The following PRKN variants were observed in gnomAD, a reference collection of about 807,000 sequenced individuals.
The protein encoded by PRKN is E3 ubiquitin-protein ligase parkin.
PRKN carries 56 observed loss-of-function variants against 59.5 expected under a neutral mutation model. That is an observed-to-expected ratio of 0.94 (90% confidence interval 0.76 to 1.18). PRKN has a LOEUF of 1.18. Among genes scored for constraint, PRKN ranks in the 50% most tolerant of loss-of-function variants. The probability of loss-of-function intolerance (pLI) is 0.00; values close to 1 mark genes in which losing one functional copy is unlikely to be tolerated. For synonymous variants in PRKN, 250 were observed against 222.1 expected (o/e 1.13, Z -1.12); for missense variants, 657 against 596.4 (o/e 1.10, Z -1.06).
rs543293469 is a variant in PRKN at position 162,395,575 on chromosome 6, C to T, written c.171+47735G>A. 1.5e-4 allele frequency among the ~76,000 whole-genome samples: 23 copies of T among 152,256 alleles called. No homozygotes were observed. The South Asian group carries it at 2.9e-3, about 19-fold the overall frequency. On this transcript the variant is annotated intron_variant, in intron 2 of 11. Transcript: ENST00000366898. The stretch of plus-strand genomic sequence containing the variant: ...CAGTCTCTCCACAATTCCAGACCTA[C>T]GCAAACCATGAAAGATAATGCATGA...
At chr6:162,347,786 TA>T (rs1334431953) in intron 2 of PRKN, among the ~76,000 whole-genome samples, 3 of 152,356 alleles carry the variant, frequency 2.0e-5, no homozygotes, top group South Asian at 4.1e-4. Context: ...AGCTCATTCA[TA>T]TTTTTTTGGT....
In PRKN at chr6:161,457,159, A is replaced by C. The variant is rs189005417; in HGVS notation, c.1084-70282T>G. 1.6e-4 allele frequency among the ~76,000 whole-genome samples: 24 copies of C among 152,356 alleles called. No homozygotes were observed. Among genetic ancestry groups the C allele is most frequent in the Non-Finnish European group, 2.6e-4 (18 of 68,022 alleles). ...CAGGAGTTCTCCACTCGGTACACCC[A>C]GTTTTACCAAAGTTAAACCCATGAG... On this transcript the variant is annotated intron_variant, in intron 9 of 11. Transcript: ENST00000366898. The surrounding 1 kb of genome is among the most constrained non-coding windows in gnomAD (Gnocchi z 5.0).
At chr6:161,792,112 C>T (rs1164584066) in intron 6 of PRKN, among the ~76,000 whole-genome samples, 2 of 152,212 alleles carry the variant, frequency 1.3e-5, no homozygotes, top group Non-Finnish European at 2.9e-5. Context: ...GAAGCCCTGG[C>T]TGATATTTTG....
intron 7 of PRKN, among the ~76,000 whole-genome samples, chr6:161,766,868 G>A (rs1789444270): frequency 6.6e-6 from 1 of 152,190 alleles, no homozygotes; most frequent in Non-Finnish European, 1.5e-5. Context: ...ATAAAAGGTG[G>A]AGAGGGAAAA....
At position 162,175,221 on chromosome 6, in the gene PRKN, T is replaced by C. The variant is rs76275806; in HGVS notation, c.534+25910A>G. 2.7e-3 allele frequency among the ~76,000 whole-genome samples: 413 copies of C among 152,332 alleles called. 2 individuals carry two copies. Among genetic ancestry groups the C allele is most frequent in the African/African-American group, 8.9e-3 (369 of 41,580 alleles). ...TCCAGGCAAGCTGTCCCAGAGGTCA[T>C]AGAGCAGGAAGACTTGGACCAAATT... On this transcript the variant is annotated intron_variant, in intron 4 of 11. Transcript: ENST00000366898.
chr6:161,823,214 G>A (rs956647566), intron 6 of PRKN, among the ~76,000 whole-genome samples: 1 of 151,902 alleles, frequency 6.6e-6, no homozygotes, highest in Admixed American at 6.6e-5. Flanking sequence ...TGGGATTGCA[G>A]GTGTGAGCCA....
Position 161,413,161 on chromosome 6 carries a change from G to A in PRKN, c.1084-26284C>T, listed in dbSNP as rs918144909. ...TCAAGTACGTGGAAGTCTGAGGGGC[G>A]GAGGAATGTGCATTTAGGGTCGTGG... On this transcript the variant is annotated intron_variant, in intron 9 of 11. Transcript: ENST00000366898. This position sits in a 1 kb window ranked among gnomAD's most constrained non-coding sequence, Gnocchi z 4.4. Among the ~76,000 whole-genome samples, 7 of 152,254 alleles carry A rather than the reference G, an allele frequency of 4.6e-5. No homozygotes were observed. The highest frequency in any genetic ancestry group is 1.5e-5 in the Non-Finnish European group (1 of 68,028).
intron 6 of PRKN, 116 bp from the exon 7 acceptor site, chr6:161,786,024 G>T (rs1190775090): frequency 6.9e-6 from 7 of 1,013,326 alleles, no homozygotes; most frequent in South Asian, 1.4e-5. Flanking sequence ...TCTGTGCAAA[G>T]ACCGGAGCTG....
In PRKN at chr6:161,743,386, T is replaced by TTTTATTTATTTATTTATTTA. The variant is rs372492770; in HGVS notation, c.871+42366_871+42385dup. ...AGGCGCCCGCCACCACATCCAGCTT[T>TTTTATTTATTTATTTATTTA]TTTATTTATTTATTTATTTATTTAT... On this transcript the variant is annotated intron_variant, in intron 7 of 11. Transcript: ENST00000366898. Among the ~76,000 whole-genome samples the TTTTATTTATTTATTTATTTA allele has an allele frequency of 7.8e-5, 11 of 140,292 alleles. No homozygotes were observed. In the South Asian group the frequency reaches 1.2e-3, roughly 15 times the overall value. The allele number at this position is 140,292 out of a possible 152,430, so 92.0% of individuals were successfully genotyped here.
At chr6:162,719,907 A>C (rs79144528) in intron 1 of PRKN, among the ~76,000 whole-genome samples, 2 of 6,000 alleles carry the variant, frequency 3.3e-4, no homozygotes, top group African/African-American at 1.0e-3. Context: ...AAAAAAAAAA[A>C]AAAAAAAAAA....
At chr6:161,743,551 G>T (rs545632608) in intron 7 of PRKN, among the ~76,000 whole-genome samples, 13 of 151,852 alleles carry the variant, frequency 8.6e-5, no homozygotes, top group Non-Finnish European at 1.8e-4. Flanking sequence ...GCCTGGACTT[G>T]GTTTCTATCT....
chr6:161,614,249 A>G (rs773648503), intron 7 of PRKN, among the ~76,000 whole-genome samples: 8 of 152,172 alleles, frequency 5.3e-5, no homozygotes, highest in Non-Finnish European at 1.2e-4. Context: ...TTCGTGTTTA[A>G]TGGCATAACT....
At chr6:161,568,421 G>A (rs534933112) in intron 8 of PRKN, among the ~76,000 whole-genome samples, 148 of 152,098 alleles carry the variant, frequency 9.7e-4, no homozygotes, top group African/African-American at 3.5e-3. Context: ...GTGAAACTCC[G>A]TCTCTACCAA....
intron 10 of PRKN, among the ~76,000 whole-genome samples, chr6:161,382,111 CAAA>C (rs59174358): frequency 8.6e-5 from 4 of 46,268 alleles, no homozygotes; most frequent in East Asian, 7.0e-4. Context: ...GACTCCATCT[CAAA>C]AAAAAAAAAA....
intron 5 of PRKN, among the ~76,000 whole-genome samples, chr6:162,000,661 C>A (rs1404967370): frequency 6.6e-6 from 1 of 151,912 alleles, no homozygotes; most frequent in African/African-American, 2.4e-5. Context: ...GTAATAAAAT[C>A]CAGCTTATCA....
intron 9 of PRKN, among the ~76,000 whole-genome samples, chr6:161,485,468 G>A (rs1791603985): frequency 6.6e-6 from 1 of 152,094 alleles, no homozygotes; most frequent in East Asian, 1.9e-4. Flanking sequence ...GGTAACAACT[G>A]GAGTTAGAAA....
intron 6 of PRKN, among the ~76,000 whole-genome samples, chr6:161,794,311 T>G (rs1186876657): frequency 6.6e-6 from 1 of 152,058 alleles, no homozygotes; most frequent in African/African-American, 2.4e-5. Context: ...TGAGTCAAGA[T>G]TTAGGAGTGG....
At chr6:162,191,142 C>G (rs575629210) in intron 4 of PRKN, among the ~76,000 whole-genome samples, 2 of 152,134 alleles carry the variant, frequency 1.3e-5, no homozygotes, top group Non-Finnish European at 2.9e-5. Flanking sequence ...TGGGCTAAAA[C>G]GGTGATGCAT....
intron 6 of PRKN, among the ~76,000 whole-genome samples, chr6:161,793,089 T>G (rs1046799523): frequency 1.3e-5 from 2 of 152,172 alleles, no homozygotes; most frequent in African/African-American, 4.8e-5. Context: ...TTATTTGAAT[T>G]AGCCAAGTGA....
Sources: allele counts gnomAD v4.1 joint callset (sites outside exome capture counted in the v4.1 genomes callset), GRCh38; gene constraint gnomAD v4.1.1; non-coding constraint Gnocchi (gnomAD v3.1); transcripts MANE v1.5; gene names NCBI Gene and HGNC (gene_info 2026-07-23, HGNC 2026-07-21).